SMU1: variants seen among roughly 807,000 people sequenced by gnomAD.
The protein encoded by SMU1 is WD40 repeat-containing protein SMU1.
SMU1 carries 2 observed loss-of-function variants against 62.0 expected under a neutral mutation model. The observed-to-expected ratio is 0.03, with a 90% CI of 0.01 to 0.10. The LOEUF is 0.10. Ranked by LOEUF, SMU1 falls within the 10% of genes least tolerant of loss-of-function variation. SMU1 has a pLI of 1.00. For missense variants in SMU1, 227 were observed against 622.1 expected, an observed-to-expected ratio of 0.36 and a Z score of 6.76; for synonymous variants, 188 against 212.4, an observed-to-expected ratio of 0.89 and a Z score of 1.00.
chr9:33,065,038 C>T (rs1234146612), intron 4 of SMU1, among the ~76,000 whole-genome samples: 2 of 152,130 alleles, frequency 1.3e-5, no homozygotes, highest in Non-Finnish European at 2.9e-5. Flanking sequence ...CCACCACACC[C>T]GGCCACATTT....
At chr9:33,059,584 CTGTTTTGTTTTGTTT>C (rs376541268) in intron 6 of SMU1, among the ~76,000 whole-genome samples, 5 of 146,186 alleles carry the variant, frequency 3.4e-5, no homozygotes, top group East Asian at 4.3e-4. Context: ...GGGCGAAACT[CTGTTTTGTTTTGTTT>C]TGTTTTGTTT....
In SMU1 at chr9:33,058,445, T is replaced by C. The variant is rs118073737; in HGVS notation, c.751-731A>G. 6.8e-4 allele frequency among the ~76,000 whole-genome samples: 104 copies of C among 152,268 alleles called. No individual in the cohort carries two copies. The East Asian group carries it at 0.016, about 24-fold the overall frequency. On this transcript the variant is annotated intron_variant, in intron 6 of 11. Transcript: ENST00000397149. ...AATACTCCTGCATCAGGTTCCTAAG[T>C]AGCCGGGATTACAGGTCCGCACCAA...
chr9:33,060,417 G>A, intron 6 of SMU1, 48 bp downstream of exon 6: 2 of 1,519,442 alleles, frequency 1.3e-6, no homozygotes, highest in Non-Finnish European at 1.8e-6. Flanking sequence ...GTAATTCAAA[G>A]CAGGTAATTT....
chr9:33,066,117 C>CA (rs1234311827), intron 4 of SMU1, among the ~76,000 whole-genome samples: 1 of 152,148 alleles, frequency 6.6e-6, no homozygotes, highest in Non-Finnish European at 1.5e-5. Context: ...TATCAGTTCT[C>CA]AAACTCCTCT....
At chr9:33,066,837 T>A (rs1839426215) in intron 4 of SMU1, among the ~76,000 whole-genome samples, 1 of 150,654 alleles carries the variant, frequency 6.6e-6, no homozygotes, top group Non-Finnish European at 1.5e-5. Context: ...AATCTATAAA[T>A]AAGACCTACC....
chr9:33,052,033 A>C (rs1004678537), intron 10 of SMU1, among the ~76,000 whole-genome samples: 2 of 152,066 alleles, frequency 1.3e-5, no homozygotes, highest in East Asian at 1.9e-4. Flanking sequence ...AAAAAAAAAA[A>C]CAGTTCTGTA....
At chr9:33,066,003 C>T (rs1326218873) in intron 4 of SMU1, among the ~76,000 whole-genome samples, 1 of 152,168 alleles carries the variant, frequency 6.6e-6, no homozygotes, top group Non-Finnish European at 1.5e-5. Context: ...AAGAACTACT[C>T]TCCAAGCAGG....
intron 4 of SMU1, among the ~76,000 whole-genome samples, chr9:33,067,764 G>A (rs1174144737): frequency 6.6e-6 from 1 of 152,030 alleles, no homozygotes; most frequent in African/African-American, 2.4e-5. Flanking sequence ...CTCCCAAAGT[G>A]CTGGGATTAC....
chr9:33,054,787 A>G (rs745835739), intron 9 of SMU1, among the ~76,000 whole-genome samples: 7 of 152,228 alleles, frequency 4.6e-5, no homozygotes, highest in Non-Finnish European at 7.3e-5. Context: ...TGGTGTCAAC[A>G]CTGTTATTGC....
chr9:33,072,731 A>C (rs554672979), intron 2 of SMU1, among the ~76,000 whole-genome samples: 2 of 150,770 alleles, frequency 1.3e-5, no homozygotes, highest in Non-Finnish European at 3.0e-5. Flanking sequence ...CGGGAGGCTG[A>C]GGCAGGAGAA....
At chr9:33,053,083 G>T in intron 10 of SMU1, 40 bp downstream of exon 10, 1 of 1,585,826 alleles carries the variant, frequency 6.3e-7, no homozygotes, top group Non-Finnish European at 8.6e-7. Flanking sequence ...TTTGGGAATG[G>T]CCCACAGTTC....
At chr9:33,075,821 G>A (rs1839538955) in intron 1 of SMU1, among the ~76,000 whole-genome samples, 2 of 152,110 alleles carry the variant, frequency 1.3e-5, no homozygotes. Context: ...ATTAAGTGTT[G>A]GCAAGGACAG....
intron 5 of SMU1, 112 bp from the exon 6 acceptor site, chr9:33,060,696 A>G (rs1476723540): frequency 1.4e-6 from 2 of 1,395,122 alleles, no homozygotes; most frequent in Non-Finnish European, 2.0e-6. Context: ...TAGCTGGCCC[A>G]TATTATAGAG....
intron 4 of SMU1, among the ~76,000 whole-genome samples, chr9:33,066,748 G>A (rs1269945484): frequency 1.3e-5 from 2 of 151,512 alleles, no homozygotes; most frequent in Non-Finnish European, 2.9e-5. Context: ...GGAGGTTGCA[G>A]TGAGCCAAGA....
chr9:33,072,828 CAAAAAAAAAACAAA>C (rs1839502446), intron 2 of SMU1, among the ~76,000 whole-genome samples: 2 of 82,956 alleles, frequency 2.4e-5, no homozygotes, highest in Admixed American at 2.7e-4. Flanking sequence ...GACTCTGTCT[CAAAAAAAAAACAAA>C]AAAAAAAACC....
At chr9:33,076,070 A>C (rs1839542820) in intron 1 of SMU1, among the ~76,000 whole-genome samples, 1 of 152,190 alleles carries the variant, frequency 6.6e-6, no homozygotes, top group South Asian at 2.1e-4. Context: ...TGAGACCACA[A>C]GGAAAAGGAG....
intron 5 of SMU1, among the ~76,000 whole-genome samples, chr9:33,061,544 A>G (rs994496631): frequency 6.6e-5 from 10 of 152,136 alleles, no homozygotes; most frequent in Non-Finnish European, 1.3e-4. Context: ...TACCTAGAAC[A>G]CTTTTTCCTA....
At position 33,051,127 on chromosome 9, in the gene SMU1, AAAAAAAAATAAAAAT is replaced by A. The variant is rs1162077924; in HGVS notation, c.1290+1981_1290+1995del. 6.4e-4 allele frequency among the ~76,000 whole-genome samples: 71 copies of A among 111,056 alleles called. 3 individuals are homozygous for A. The highest frequency in any genetic ancestry group is 1.0e-3 in the Non-Finnish European group (48 of 47,458). The allele number at this position is 111,056 out of a possible 152,430, so 72.9% of individuals were successfully genotyped here. On this transcript the variant is annotated intron_variant, in intron 10 of 11. Coordinates refer to ENST00000397149, the MANE Select transcript of SMU1 (RefSeq NM_018225.3). The stretch of plus-strand genomic sequence containing the variant: ...CAGAGCGAGACTCTGTCTCAAAAAA[AAAAAAAAATAAAAAT>A]AAAAATAAAAAATAAGCTATCAAAC...
intron 10 of SMU1, among the ~76,000 whole-genome samples, chr9:33,049,845 G>A (rs925153370): frequency 5.9e-5 from 9 of 151,974 alleles, no homozygotes; most frequent in Non-Finnish European, 1.0e-4. Context: ...GACTGAGGCT[G>A]GAAGATTTCT....
Sources: allele counts gnomAD v4.1 joint callset (sites outside exome capture counted in the v4.1 genomes callset), GRCh38; gene constraint gnomAD v4.1.1; transcripts MANE v1.5; gene names NCBI Gene and HGNC (gene_info 2026-07-23, HGNC 2026-07-21).